The following SCAMP2 variants were observed in gnomAD, a reference collection of about 807,000 sequenced individuals.
The protein encoded by SCAMP2 is secretory carrier membrane protein 2, also known as secretory carrier-associated membrane protein 2.
Under a neutral mutation model 44.1 loss-of-function variants are expected in SCAMP2, and 25 were observed. The observed-to-expected ratio is 0.57, with a 90% CI of 0.41 to 0.79. SCAMP2 has a LOEUF of 0.79. Among genes scored for constraint, SCAMP2 ranks in the 30% least tolerant of loss-of-function variants. SCAMP2 has a pLI of 0.00. For synonymous variants in SCAMP2, 156 were observed against 166.0 expected (o/e 0.94, Z 0.46); for missense variants, 355 against 411.0 (o/e 0.86, Z 1.18).
chr15:74,863,403 C>G (rs2064521670), intron 1 of SCAMP2, among the ~76,000 whole-genome samples: 1 of 150,522 alleles, frequency 6.6e-6, no homozygotes, highest in Admixed American at 6.6e-5. Context: ...CCCAGCTACA[C>G]TGGAGGCTGA....
At chr15:74,851,549 G>A (rs986463745) in intron 4 of SCAMP2, 68 bp from the exon 5 acceptor site, 14 of 1,592,962 alleles carry the variant, frequency 8.8e-6, no homozygotes, top group African/African-American at 8.0e-5. Context: ...GTGCATGCAC[G>A]CCAGCATAGT....
chr15:74,853,671 AAGAG>A (rs1047790226), intron 3 of SCAMP2: 4 of 399,968 alleles, frequency 1.0e-5, no homozygotes, highest in Admixed American at 3.6e-5. Flanking sequence ...AGTTAAAAAA[AAGAG>A]AGAGATTCTG....
rs149710989 is a variant in SCAMP2 at position 74,844,879 on chromosome 15, GT to G, written c.*203del. The G allele has an allele frequency of 2.2e-4, 121 of 543,616 alleles. No homozygotes were observed. The highest frequency in any genetic ancestry group is 1.0e-3 in the East Asian group (33 of 32,880). 33.7% of individuals were successfully genotyped at this position (543,616 alleles called of 1,614,324 possible). A position where few individuals can be genotyped will look rare whatever the true frequency, so the allele number is the denominator to read the frequency against. ...TCACCAGAGAAGGAAAGAGAGCTTT[GT>G]TTTTTTTTGTACATAGAGGGGGAAA... On this transcript the variant is annotated 3_prime_UTR_variant, in exon 9 of 9. Transcript: ENST00000268099.
chr15:74,851,780 C>G (rs866967271), intron 4 of SCAMP2: 4 of 454,290 alleles, frequency 8.8e-6, no homozygotes, highest in Middle Eastern at 1.1e-3. Context: ...GAACTCAGTT[C>G]ATCATCATTA....
Position 74,852,194 on chromosome 15 carries a change from G to A in SCAMP2, c.226-8C>T, listed in dbSNP as rs1356756348. On this transcript the variant is annotated splice_polypyrimidine_tract_variant and splice_region_variant and intron_variant, in intron 3 of 8. Coordinates refer to ENST00000268099, the MANE Select transcript of SCAMP2 (RefSeq NM_005697.5). ...GGCTGCAGACACCACGGCCTGGAGA[G>A]AACAGGGGAGGTACAGGGACAGCCA... The A allele has an allele frequency of 1.3e-6, 2 of 1,494,338 alleles. No homozygotes were observed. The highest frequency in any genetic ancestry group is 2.2e-5 in the Admixed American group (1 of 44,906). The allele number at this position is 1,494,338 out of a possible 1,614,324, so 92.6% of individuals were successfully genotyped here.
chr15:74,872,959 C>T (rs1419177104), intron 1 of SCAMP2: 1 of 461,088 alleles, frequency 2.2e-6, no homozygotes, highest in African/African-American at 2.1e-5. Context: ...AGCCCAGCCT[C>T]CGGGTGCTAG....
intron 1 of SCAMP2, among the ~76,000 whole-genome samples, chr15:74,866,025 A>AGGGAG (rs151007343): frequency 1.8e-5 from 1 of 55,824 alleles, no homozygotes; most frequent in East Asian, 5.4e-4. Context: ...GAAAGGAGGG[A>AGGGAG]GGGAGGGGAG....
chr15:74,854,062 C>T lies in SCAMP2; in HGVS notation c.184G>A (p.Val62Ile), dbSNP rs2064452642. 6.2e-7 allele frequency: 1 copy of T among 1,614,064 alleles called. No homozygotes were observed. The highest frequency in any genetic ancestry group is 1.1e-5 in the South Asian group (1 of 91,092). ...TQLPGSSQPA[V>I]LQPSVEPTQP... Reference sequence around the variant, plus strand: ...GTTGGTTCCACTGATGGCTGGAGAACCGCTGGCTGTGAGGACCCAGGGAGT... The same window carrying T: ...GTTGGTTCCACTGATGGCTGGAGAATCGCTGGCTGTGAGGACCCAGGGAGT... The change falls in exon 3 of 9, where the codon GTT (valine) becomes ATT (isoleucine). Residue 62 changes from valine (V) to isoleucine (I), a missense_variant. By Grantham distance (29) the Val-to-Ile change is conservative. Transcript: ENST00000268099.
At chr15:74,852,593 G>C (rs943078966) in intron 3 of SCAMP2, 1 of 156,890 alleles carries the variant, frequency 6.4e-6, no homozygotes, top group African/African-American at 2.4e-5. Flanking sequence ...TGAAGAGCCT[G>C]GTGGATGTGT....
rs191813402 is a variant in SCAMP2 at position 74,862,747 on chromosome 15, G to T, written c.58-8098C>A. Among the ~76,000 whole-genome samples the T allele has an allele frequency of 5.4e-4, 81 of 150,238 alleles. No individual in the cohort carries two copies. In the Middle Eastern group the frequency reaches 0.01, roughly 19 times the overall value. On this transcript the variant is annotated intron_variant, in intron 1 of 8. Transcript: ENST00000268099. ...TGAGGCAGGAGAACCGTTTGAACCA[G>T]GGAGGTAAAGGTTGCAGTGAGCTGA...
rs2064455990 is a variant in SCAMP2, at chr15:74,854,593, G to A, written c.114C>T (p.Asn38=). Residue 38 remains asparagine, a synonymous_variant, in exon 2 of 9, where the codon AAC becomes AAT. Transcript: ENST00000268099. ...CCTGCTCACCAACCTCTGAGAAGGG[G>A]TTGAATTCCGCCAGGCCGCCCTGCG... The part of the protein sequence containing the change: ...NAPQGGLAEF[N]PFSETNAATT... The A allele has an allele frequency of 6.2e-7, 1 of 1,603,970 alleles. No homozygotes were observed. Among genetic ancestry groups the A allele is most frequent in the South Asian group, 1.1e-5 (1 of 88,828 alleles).
chr15:74,865,509 T>C (rs1055456615), intron 1 of SCAMP2, among the ~76,000 whole-genome samples: 1 of 151,584 alleles, frequency 6.6e-6, no homozygotes, highest in African/African-American at 2.4e-5. Flanking sequence ...CGAGAAGATA[T>C]TGAGTCAGGT....
intron 7 of SCAMP2, among the ~76,000 whole-genome samples, chr15:74,846,794 C>T (rs1032997782): frequency 3.9e-5 from 6 of 152,168 alleles, no homozygotes; most frequent in Admixed American, 1.3e-4. Flanking sequence ...AGCACTGGGC[C>T]GGGCCTTTTT....
chr15:74,854,617 C>T lies in SCAMP2; in HGVS notation c.90G>A (p.Pro30=), dbSNP rs200605882. The part of the protein sequence containing the change: ...DPSVTQLTNA[P]QGGLAEFNPF... ...GGTTGAATTCCGCCAGGCCGCCCTG[C>T]GGGGCGTTGGTCAGCTGGGTCACAG... Residue 30 remains proline (P), a synonymous_variant, in exon 2 of 9, where the codon CCG becomes CCA. Coordinates refer to ENST00000268099, the MANE Select transcript of SCAMP2 (RefSeq NM_005697.5). 106 of 1,608,500 alleles carry T rather than the reference C, an allele frequency of 6.6e-5. No individual in the cohort carries two copies. Among genetic ancestry groups the T allele is most frequent in the Admixed American group, 3.4e-4 (20 of 59,334 alleles).
chr15:74,866,735 T>C (rs570175869), intron 1 of SCAMP2, among the ~76,000 whole-genome samples: 13 of 152,238 alleles, frequency 8.5e-5, no homozygotes, highest in Non-Finnish European at 1.9e-4. Context: ...CCCAGCTCCT[T>C]TGGACACTGC....
In SCAMP2 at chr15:74,858,806, CT is replaced by C. The variant is rs917391053; in HGVS notation, c.58-4158del. ...CCTTCTTTCCTTCAAAGAGCTGGTT[CT>C]TTTTTTTTTTTTTTTTTTTTTTTGA... On this transcript the variant is annotated intron_variant, in intron 1 of 8. Coordinates refer to ENST00000268099, the MANE Select transcript of SCAMP2 (RefSeq NM_005697.5). Among the ~76,000 whole-genome samples the C allele has an allele frequency of 6.7e-3, 614 of 91,252 alleles. 2 individuals carry two copies. The highest frequency in any genetic ancestry group is 0.024 in the African/African-American group (535 of 22,506). 59.9% of individuals were successfully genotyped at this position (91,252 alleles called of 152,430 possible). A position where few individuals can be genotyped will look rare whatever the true frequency, so the allele number is the denominator to read the frequency against.
chr15:74,852,237 C>T, intron 3 of SCAMP2, 51 bp from the exon 4 acceptor site: 3 of 1,309,336 alleles, frequency 2.3e-6, no homozygotes, highest in Non-Finnish European at 3.0e-6. Context: ...CAAACAGAAA[C>T]AGTGTCAGCC....
At chr15:74,848,014 C>A (rs2064410904) in intron 7 of SCAMP2, among the ~76,000 whole-genome samples, 1 of 151,712 alleles carries the variant, frequency 6.6e-6, no homozygotes, top group South Asian at 2.1e-4. Context: ...CCTAAAGAGT[C>A]AAGCCAAGTT....
At chr15:74,870,655 T>G (rs1247810716) in intron 1 of SCAMP2, among the ~76,000 whole-genome samples, 1 of 152,224 alleles carries the variant, frequency 6.6e-6, no homozygotes, top group Admixed American at 6.5e-5. Flanking sequence ...TCAAGAAACA[T>G]TAAGCTACGA....
Sources: allele counts gnomAD v4.1 joint callset (sites outside exome capture counted in the v4.1 genomes callset), GRCh38; gene constraint gnomAD v4.1.1; transcripts MANE v1.5; gene names NCBI Gene and HGNC (gene_info 2026-07-23, HGNC 2026-07-21).